Variants in EML4 observed in about 807,000 individuals in gnomAD.
EML4 encodes the protein echinoderm microtubule-associated protein-like 4.
A neutral mutation model predicts 129.0 loss-of-function variants in EML4; 72 were observed. The observed-to-expected ratio is 0.56, with a 90% CI of 0.46 to 0.68. The LOEUF is 0.68. Ranked by LOEUF, EML4 falls within the 30% of genes least tolerant of loss-of-function variation. EML4 has a pLI of 0.00. For synonymous variants in EML4, 532 were observed against 405.0 expected (o/e 1.31, Z -3.77); for missense variants, 1,363 against 1,190.6 (o/e 1.14, Z -2.13).
chr2:42,319,377 C>G (rs1669405944), intron 19 of EML4, among the ~76,000 whole-genome samples: 1 of 152,188 alleles, frequency 6.6e-6, no homozygotes, highest in East Asian at 1.9e-4. Flanking sequence ...GAGACTTGTC[C>G]TAATCCAGTT....
chr2:42,249,046 G>A (rs927239494), intron 2 of EML4, among the ~76,000 whole-genome samples: 2 of 152,002 alleles, frequency 1.3e-5, no homozygotes, highest in African/African-American at 2.4e-5. Flanking sequence ...GAAAGCAATT[G>A]GAATTTAAGT....
chr2:42,221,799 T>G (rs1352097816), intron 1 of EML4, among the ~76,000 whole-genome samples: 5 of 152,058 alleles, frequency 3.3e-5, no homozygotes, highest in African/African-American at 1.2e-4. Flanking sequence ...AGACAAGGTT[T>G]CGTCGTGTTG....
intron 17 of EML4, among the ~76,000 whole-genome samples, chr2:42,314,252 G>C (rs548163744): frequency 6.6e-6 from 1 of 151,878 alleles, no homozygotes; most frequent in Admixed American, 6.6e-5. Flanking sequence ...CCAGCTACTC[G>C]AGAGACTGAG....
chr2:42,210,898 G>C (rs552772321), intron 1 of EML4, among the ~76,000 whole-genome samples: 86 of 152,240 alleles, frequency 5.6e-4, no homozygotes, highest in African/African-American at 2.0e-3. Flanking sequence ...TCAGTAGATA[G>C]AAAATCAGTT....
chr2:42,327,711 T>C (rs191511287), intron 21 of EML4, among the ~76,000 whole-genome samples: 3 of 152,324 alleles, frequency 2.0e-5, no homozygotes, highest in South Asian at 4.1e-4. Flanking sequence ...AGAAGATAGA[T>C]GGAAAAGTTA....
At chr2:42,222,894 G>A (rs968387631) in intron 1 of EML4, among the ~76,000 whole-genome samples, 2 of 152,068 alleles carry the variant, frequency 1.3e-5, no homozygotes, top group Non-Finnish European at 2.9e-5. Context: ...CGCCTCCCGG[G>A]TTCACGCCAT....
chr2:42,197,640 C>A (rs1005068105), intron 1 of EML4, among the ~76,000 whole-genome samples: 3 of 151,206 alleles, frequency 2.0e-5, no homozygotes, highest in Admixed American at 6.6e-5. Context: ...TTTTAAATAT[C>A]TGTGAAATAT....
intron 11 of EML4, among the ~76,000 whole-genome samples, chr2:42,294,723 T>C (rs1436601945): frequency 6.6e-6 from 1 of 152,014 alleles, no homozygotes; most frequent in Admixed American, 6.6e-5. Context: ...GTTGCGTGAA[T>C]GAATGCTCCA....
In EML4 at chr2:42,288,219, T is replaced by C. The variant is rs756524160; in HGVS notation, c.1123-8T>C. 3.2e-6 allele frequency: 4 copies of C among 1,265,930 alleles called. No homozygotes were observed. In the Admixed American group the frequency reaches 6.3e-5, roughly 20 times the overall value. 78.4% of individuals were successfully genotyped at this position (1,265,930 alleles called of 1,614,324 possible). On this transcript the variant is annotated splice_polypyrimidine_tract_variant and splice_region_variant and intron_variant, in intron 10 of 22. Coordinates refer to ENST00000318522, the MANE Select transcript of EML4 (RefSeq NM_019063.5). ...ATTTTAAAATGCCTCTGATTGACTT[T>C]TCTTTAGGATTCAGGTGTTCATTTA...
chr2:42,278,416 A>G (rs1666780069), intron 6 of EML4, among the ~76,000 whole-genome samples: 1 of 151,996 alleles, frequency 6.6e-6, no homozygotes, highest in Non-Finnish European at 1.5e-5. Context: ...TCTACTAAAA[A>G]TGCAAAAATG....
At chr2:42,261,780 G>A (rs1665754395) in intron 4 of EML4, among the ~76,000 whole-genome samples, 1 of 152,138 alleles carries the variant, frequency 6.6e-6, no homozygotes, top group Non-Finnish European at 1.5e-5. Flanking sequence ...GGGAGGATAA[G>A]TTCTTGCTTG....
chr2:42,217,752 G>A (rs1416191756), intron 1 of EML4, among the ~76,000 whole-genome samples: 2 of 152,148 alleles, frequency 1.3e-5, no homozygotes, highest in East Asian at 3.9e-4. Context: ...GTAGTTTTTA[G>A]AGGATATGTC....
At position 42,286,310 on chromosome 2, in the gene EML4, A is replaced by G. The variant is rs1572691597; in HGVS notation, c.1053A>G (p.Leu351=). The change falls in exon 10 of 23, where the codon CTA becomes CTG. Residue 351 remains leucine (L), a synonymous_variant. Transcript: ENST00000318522. ...TCAGAGTGTGGGATTCTGTTACTCT[A>G]TCCACACTGCAGATTATTGGACTTG... The part of the protein sequence containing the change: ...PHVRVWDSVT[L]STLQIIGLGT... The G allele has an allele frequency of 1.9e-6, 3 of 1,613,992 alleles. No homozygotes were observed. Among genetic ancestry groups the G allele is most frequent in the Non-Finnish European group, 2.5e-6 (3 of 1,179,880 alleles).
chr2:42,254,776 C>T (rs552606808), intron 2 of EML4, among the ~76,000 whole-genome samples: 11 of 152,060 alleles, frequency 7.2e-5, no homozygotes, highest in African/African-American at 9.6e-5. Context: ...TCAGCAGTTC[C>T]GCTCCTAGGT....
intron 1 of EML4, among the ~76,000 whole-genome samples, chr2:42,197,428 A>G (rs1671959972): frequency 6.6e-6 from 1 of 152,154 alleles, no homozygotes; most frequent in African/African-American, 2.4e-5. Context: ...AAAGATAGAT[A>G]TAGGCAATAA....
intron 17 of EML4, among the ~76,000 whole-genome samples, chr2:42,307,224 T>G (rs776442333): frequency 6.6e-6 from 1 of 152,236 alleles, no homozygotes; most frequent in Non-Finnish European, 1.5e-5. Context: ...GAAATTACTT[T>G]CCAGCATTTA....
At chr2:42,268,529 C>T (rs1256051164) in intron 6 of EML4, among the ~76,000 whole-genome samples, 1 of 152,092 alleles carries the variant, frequency 6.6e-6, no homozygotes, top group Non-Finnish European at 1.5e-5. Context: ...CCTTGAACTC[C>T]GAGCTTGAGT....
At chr2:42,249,292 G>GTTTT (rs1372360975) in intron 2 of EML4, among the ~76,000 whole-genome samples, 1 of 59,502 alleles carries the variant, frequency 1.7e-5, no homozygotes, top group Non-Finnish European at 3.4e-5. Flanking sequence ...TTTTATGTGT[G>GTTTT]ATTTTTTAGC....
At chr2:42,308,701 C>T (rs1230588327) in intron 17 of EML4, among the ~76,000 whole-genome samples, 1 of 152,070 alleles carries the variant, frequency 6.6e-6, no homozygotes, top group African/African-American at 2.4e-5. Context: ...ATTTTTAACC[C>T]AGAAAGGAAT....
Sources: allele counts gnomAD v4.1 joint callset (sites outside exome capture counted in the v4.1 genomes callset), GRCh38; gene constraint gnomAD v4.1.1; transcripts MANE v1.5; gene names NCBI Gene and HGNC (gene_info 2026-07-23, HGNC 2026-07-21).